Variants in GRID2 observed in about 807,000 individuals in gnomAD.
The protein encoded by GRID2 is glutamate receptor ionotropic, delta-2.
In GRID2, 33 loss-of-function variants were observed where a neutral mutation model predicts 114.8. The observed-to-expected ratio is 0.29, with a 90% CI of 0.22 to 0.38. The LOEUF is 0.38. GRID2 is among the 10% of genes least tolerant of loss of function. The pLI is 1.00. For synonymous variants in GRID2, 505 were observed against 449.9 expected (o/e 1.12, Z -1.55); for missense variants, 1,184 against 1,257.7 (o/e 0.94, Z 0.89).
At chr4:92,627,622 G>A (rs951593878) in intron 2 of GRID2, among the ~76,000 whole-genome samples, 4 of 151,980 alleles carry the variant, frequency 2.6e-5, no homozygotes, top group Non-Finnish European at 5.9e-5. Context: ...GGCCATTGGT[G>A]ATGCATCCCA....
chr4:92,910,251 A>G (rs955940637), intron 2 of GRID2, among the ~76,000 whole-genome samples: 1 of 152,092 alleles, frequency 6.6e-6, no homozygotes, highest in Admixed American at 6.6e-5. Context: ...CTTAATCAGA[A>G]TCACCTGGGA....
At chr4:92,325,250 T>C (rs951059387) in intron 1 of GRID2, among the ~76,000 whole-genome samples, 19 of 151,820 alleles carry the variant, frequency 1.3e-4, no homozygotes, top group African/African-American at 4.6e-4. Flanking sequence ...TTCTTTACCG[T>C]AGTGTTTTTA....
chr4:93,546,800 A>AT (rs992240182), intron 13 of GRID2, among the ~76,000 whole-genome samples: 19 of 151,602 alleles, frequency 1.3e-4, no homozygotes, highest in South Asian at 4.2e-4. Context: ...CTCTATTCTA[A>AT]TTTTTTTTTA....
chr4:92,758,074 T>C (rs1479459916), intron 2 of GRID2, among the ~76,000 whole-genome samples: 1 of 152,052 alleles, frequency 6.6e-6, no homozygotes, highest in African/African-American at 2.4e-5. Context: ...ATGTGGACAC[T>C]TACTAATTTC....
chr4:92,821,639 T>C (rs1421152458), intron 2 of GRID2, among the ~76,000 whole-genome samples: 2 of 152,156 alleles, frequency 1.3e-5, no homozygotes, highest in Non-Finnish European at 1.5e-5. Flanking sequence ...ATCATTCTAC[T>C]GTGATCAACT....
Position 93,053,354 on chromosome 4 carries a change from CTTGTT to C in GRID2, c.245-31636_245-31632del, listed in dbSNP as rs541601592. ...TTGTCTATGTTGCATTTTTTGAAGT[CTTGTT>C]TTGTGATTATTCATAATAAGTGTGT... On this transcript the variant is annotated intron_variant, in intron 2 of 15. Transcript: ENST00000282020. Among the ~76,000 whole-genome samples the C allele has an allele frequency of 2.2e-3, 335 of 151,820 alleles. 3 individuals are homozygous for C. Among genetic ancestry groups the C allele is most frequent in the African/African-American group, 7.5e-3 (311 of 41,462 alleles).
chr4:93,434,636 C>G (rs1257989409), intron 10 of GRID2, among the ~76,000 whole-genome samples: 2 of 152,130 alleles, frequency 1.3e-5, no homozygotes, highest in African/African-American at 2.4e-5. Flanking sequence ...TATCTCTTCT[C>G]TGGATTGTAG....
chr4:93,307,521 C>T (rs1164463901), intron 8 of GRID2, among the ~76,000 whole-genome samples: 1 of 151,896 alleles, frequency 6.6e-6, no homozygotes. Context: ...CTGACTTTTA[C>T]CTTTCATTGT....
intron 1 of GRID2, among the ~76,000 whole-genome samples, chr4:93,792,813 G>A (rs146921426): frequency 1.3e-5 from 2 of 152,144 alleles, no homozygotes; most frequent in East Asian, 3.9e-4. Flanking sequence ...AGTCTCACCC[G>A]GGTTGTTCTG....
intron 2 of GRID2, among the ~76,000 whole-genome samples, chr4:92,972,055 T>C (rs1352334859): frequency 6.6e-6 from 1 of 152,134 alleles, no homozygotes; most frequent in East Asian, 1.9e-4. Context: ...AAATACCCAA[T>C]AGTAGTGGAG....
At chr4:93,612,945 A>T (rs1741124809) in intron 13 of GRID2, among the ~76,000 whole-genome samples, 2 of 147,260 alleles carry the variant, frequency 1.4e-5, no homozygotes, top group Admixed American at 1.4e-4. Flanking sequence ...ACTTTCAGGT[A>T]CACCAATCAG....
At chr4:92,877,948 G>T (rs903014979) in intron 2 of GRID2, among the ~76,000 whole-genome samples, 2 of 152,044 alleles carry the variant, frequency 1.3e-5, no homozygotes, top group Non-Finnish European at 2.9e-5. Context: ...AAGAAAAACC[G>T]TCTGGTGTTT....
rs552743124 is a variant in GRID2 at position 93,201,053 on chromosome 4, G to T, written c.736-6351G>T. On this transcript the variant is annotated intron_variant, in intron 4 of 15. Transcript: ENST00000282020. Reference sequence around the variant, plus strand: ...AAAAAAGGAAACAGGTTTATAATTTGTTCAAAGTCACACTCAGAAAATAAA... The same window carrying T: ...AAAAAAGGAAACAGGTTTATAATTTTTTCAAAGTCACACTCAGAAAATAAA... Among the ~76,000 whole-genome samples the T allele has an allele frequency of 2.6e-5, 4 of 152,194 alleles. No individual in the cohort carries two copies. The East Asian group carries it at 5.8e-4, about 22-fold the overall frequency.
intron 8 of GRID2, among the ~76,000 whole-genome samples, chr4:93,345,683 C>A (rs940567493): frequency 5.3e-5 from 8 of 151,836 alleles, no homozygotes; most frequent in South Asian, 4.1e-4. Flanking sequence ...GTTACCTGTG[C>A]TTTTGTGGTT....
chr4:93,249,868 GA>G (rs1407049975), intron 8 of GRID2, among the ~76,000 whole-genome samples: 1 of 152,118 alleles, frequency 6.6e-6, no homozygotes, highest in Non-Finnish European at 1.5e-5. Context: ...AGGATATGGA[GA>G]AATAGGAATG....
In GRID2 at chr4:93,564,348, G is replaced by A. The variant is rs533691145; in HGVS notation, c.2193+48937G>A. On this transcript the variant is annotated intron_variant, in intron 13 of 15. Coordinates refer to ENST00000282020, the MANE Select transcript of GRID2 (RefSeq NM_001510.4). ...TTTCATTTTCCTTTCCTATTTCTCA[G>A]ATGTTCTTAGCTTGAAAGGTTTATT... is the stretch of plus-strand genomic sequence containing the variant. Among the ~76,000 whole-genome samples, 23 of 151,832 alleles carry A rather than the reference G, an allele frequency of 1.5e-4. 1 individual carries two copies. The highest frequency in any genetic ancestry group is 1.5e-3 in the Admixed American group (23 of 15,226).
chr4:92,464,160 A>C (rs1721633704), intron 1 of GRID2, among the ~76,000 whole-genome samples: 2 of 152,010 alleles, frequency 1.3e-5, no homozygotes, highest in East Asian at 3.9e-4. Context: ...ATCTGTGATG[A>C]GTAAATTAAG....
At chr4:93,260,360 G>GCCAAGTAA (rs1750120854) in intron 8 of GRID2, among the ~76,000 whole-genome samples, 1 of 149,362 alleles carries the variant, frequency 6.7e-6, no homozygotes, top group African/African-American at 2.5e-5. Flanking sequence ...GGCACATTGC[G>GCCAAGTAA]TACATTTTTA....
intron 1 of GRID2, among the ~76,000 whole-genome samples, chr4:92,444,285 G>T (rs922462397): frequency 2.0e-5 from 3 of 152,160 alleles, no homozygotes; most frequent in African/African-American, 7.2e-5. Context: ...GTGCAGGCAG[G>T]CTGAGTCCGT....
Sources: gnomAD v4.1 joint callset for allele counts (sites outside exome capture counted in the v4.1 genomes callset) on GRCh38, gnomAD v4.1.1 for gene constraint, MANE v1.5 for transcripts, NCBI Gene and HGNC (gene_info 2026-07-23, HGNC 2026-07-21) for gene names.